SNTG1: variants seen among roughly 807,000 people sequenced by gnomAD.
The protein encoded by SNTG1 is gamma-1-syntrophin.
In SNTG1, 39 loss-of-function variants were observed where a neutral mutation model predicts 74.7. The ratio of observed to expected loss-of-function variants is 0.52; its 90% CI spans 0.40 to 0.68. The LOEUF (loss-of-function observed/expected upper bound fraction) is 0.68, where lower values mean the gene tolerates loss of function less well. SNTG1 is among the 30% of genes least tolerant of loss of function. SNTG1 has a pLI of 0.00. For synonymous variants in SNTG1, 254 were observed against 217.1 expected (o/e 1.17, Z -1.49); for missense variants, 685 against 609.5 (o/e 1.12, Z -1.30).
chr8:50,272,428 G>A (rs962445576), intron 2 of SNTG1, among the ~76,000 whole-genome samples: 12 of 152,094 alleles, frequency 7.9e-5, no homozygotes, highest in Non-Finnish European at 1.6e-4. Context: ...TTTGATTCCT[G>A]GGCCAGGTGT....
At chr8:50,572,062 C>T (rs1346919551) in intron 12 of SNTG1, among the ~76,000 whole-genome samples, 1 of 151,990 alleles carries the variant, frequency 6.6e-6, no homozygotes, top group Admixed American at 6.6e-5. Flanking sequence ...ATTTTCTTCA[C>T]CTGTGACTAA....
At chr8:50,306,531 CT>C (rs2089903975) in intron 2 of SNTG1, among the ~76,000 whole-genome samples, 1 of 151,974 alleles carries the variant, frequency 6.6e-6, no homozygotes, top group Non-Finnish European at 1.5e-5. Context: ...ATAAGTGTTC[CT>C]TTTTTACCAC....
intron 4 of SNTG1, among the ~76,000 whole-genome samples, chr8:50,428,242 C>T (rs1192968413): frequency 6.6e-6 from 1 of 151,046 alleles, no homozygotes; most frequent in Non-Finnish European, 1.5e-5. Context: ...CCCAAGAATT[C>T]AAGGTTACAA....
chr8:50,686,858 G>A (rs1046126093), intron 15 of SNTG1, among the ~76,000 whole-genome samples: 6 of 152,010 alleles, frequency 3.9e-5, no homozygotes, highest in Admixed American at 2.6e-4. Flanking sequence ...ATGAAGGGCC[G>A]GGCGCGGTGG....
intron 12 of SNTG1, among the ~76,000 whole-genome samples, chr8:50,567,054 T>G (rs2094520080): frequency 6.6e-6 from 1 of 152,090 alleles, no homozygotes; most frequent in East Asian, 1.9e-4. Context: ...TACACATCTT[T>G]GTTGATGGAA....
chr8:50,082,097 T>C (rs1040208804), intron 1 of SNTG1, among the ~76,000 whole-genome samples: 3 of 152,332 alleles, frequency 2.0e-5, no homozygotes, highest in African/African-American at 7.2e-5. Context: ...AGAATTTAAA[T>C]TTGATTTATT....
chr8:50,054,343 A>G (rs2130897132), intron 1 of SNTG1, among the ~76,000 whole-genome samples: 1 of 152,024 alleles, frequency 6.6e-6, no homozygotes, highest in East Asian at 1.9e-4. Context: ...TATTCAACCA[A>G]TCACCAAGTT....
At chr8:50,068,228 G>A (rs1301779381) in intron 1 of SNTG1, among the ~76,000 whole-genome samples, 3 of 152,172 alleles carry the variant, frequency 2.0e-5, no homozygotes, top group African/African-American at 7.2e-5. Context: ...TGGGATTAGC[G>A]GGCCGGACTG....
At chr8:49,985,805 T>C (rs1193773506) in intron 1 of SNTG1, among the ~76,000 whole-genome samples, 2 of 152,192 alleles carry the variant, frequency 1.3e-5, no homozygotes, top group East Asian at 1.9e-4. Flanking sequence ...ACTTTGATTA[T>C]ATTTATAGAC....
chr8:50,052,549 G>A (rs1343789788), intron 1 of SNTG1, among the ~76,000 whole-genome samples: 2 of 151,714 alleles, frequency 1.3e-5, no homozygotes, highest in Admixed American at 6.6e-5. Flanking sequence ...AAAATCACAA[G>A]GAAAAAATTT....
chr8:50,608,265 G>GT (rs2094826905), intron 13 of SNTG1, among the ~76,000 whole-genome samples: 2 of 151,554 alleles, frequency 1.3e-5, no homozygotes, highest in South Asian at 4.1e-4. Flanking sequence ...TGACTATTCA[G>GT]TTAGTTTTTC....
In SNTG1 at chr8:49,945,802, G is replaced by C. The variant is rs113231312; in HGVS notation, c.-103+33571G>C. On this transcript the variant is annotated intron_variant, in intron 1 of 18. Coordinates refer to ENST00000642720, the MANE Select transcript of SNTG1 (RefSeq NM_018967.5). The stretch of plus-strand genomic sequence containing the variant: ...TGTCAAAGCACATGGCCAATCACAT[G>C]GCCAAGCAGGAAAGGAGCAGGCCCG... Among the ~76,000 whole-genome samples the C allele has an allele frequency of 8.9e-4, 136 of 152,280 alleles. 1 individual carries two copies. Among genetic ancestry groups the C allele is most frequent in the African/African-American group, 3.2e-3 (132 of 41,550 alleles).
chr8:50,543,584 A>G (rs185839135), intron 11 of SNTG1, among the ~76,000 whole-genome samples: 1 of 152,268 alleles, frequency 6.6e-6, no homozygotes, highest in East Asian at 1.9e-4. Flanking sequence ...CACATTTAAA[A>G]AATTCAACCT....
chr8:49,958,956 GC>G (rs1810435377), intron 1 of SNTG1, among the ~76,000 whole-genome samples: 1 of 152,166 alleles, frequency 6.6e-6, no homozygotes, highest in African/African-American at 2.4e-5. Flanking sequence ...TTGAAAGTGT[GC>G]TTTTAAGCAT....
At chr8:50,194,453 G>T (rs2083690459) in intron 2 of SNTG1, among the ~76,000 whole-genome samples, 1 of 152,060 alleles carries the variant, frequency 6.6e-6, no homozygotes, top group African/African-American at 2.4e-5. Flanking sequence ...GTTTATGTGT[G>T]TATAGGTGTT....
chr8:50,578,084 G>A lies in SNTG1; in HGVS notation c.811-12795G>A, dbSNP rs561725758. On this transcript the variant is annotated intron_variant, in intron 12 of 18. Transcript: ENST00000642720. ...TGATAACACTTGTTAGGGTCATATG[G>A]ACATTCTGCTAGACTGAGGGAAGTT... 6.6e-5 allele frequency among the ~76,000 whole-genome samples: 10 copies of A among 152,304 alleles called. No homozygotes were observed. In the South Asian group the frequency reaches 1.7e-3, roughly 25 times the overall value.
At chr8:50,476,006 A>G (rs112398863) in intron 8 of SNTG1, among the ~76,000 whole-genome samples, 1 of 152,174 alleles carries the variant, frequency 6.6e-6, no homozygotes, top group Non-Finnish European at 1.5e-5. Context: ...GCACTGCTCC[A>G]GTCCCCCATG....
At chr8:50,550,429 T>C (rs538961965) in intron 11 of SNTG1, among the ~76,000 whole-genome samples, 3 of 152,332 alleles carry the variant, frequency 2.0e-5, no homozygotes, top group South Asian at 4.1e-4. Flanking sequence ...AAATGATATA[T>C]ATTTATTTGA....
intron 8 of SNTG1, among the ~76,000 whole-genome samples, chr8:50,481,951 T>A (rs1379674910): frequency 6.6e-6 from 1 of 152,200 alleles, no homozygotes; most frequent in Non-Finnish European, 1.5e-5. Flanking sequence ...ACAGTTCTGG[T>A]CCTGGATTTT....
Sources: gnomAD v4.1 joint callset for allele counts (sites outside exome capture counted in the v4.1 genomes callset) on GRCh38, gnomAD v4.1.1 for gene constraint, MANE v1.5 for transcripts, NCBI Gene and HGNC (gene_info 2026-07-23, HGNC 2026-07-21) for gene names.